LRRC37A2: variants seen among roughly 807,000 people sequenced by gnomAD.
The protein encoded by LRRC37A2 is leucine-rich repeat-containing protein 37A2.
In LRRC37A2, 9 loss-of-function variants were observed where a neutral mutation model predicts 68.8. The ratio of observed to expected loss-of-function variants is 0.13; its 90% CI spans 0.08 to 0.23. The LOEUF (loss-of-function observed/expected upper bound fraction) is 0.23, where lower values mean the gene tolerates loss of function less well. Ranked by LOEUF, LRRC37A2 falls within the 10% of genes least tolerant of loss-of-function variation. LRRC37A2 has a pLI of 1.00. For synonymous variants in LRRC37A2, 63 were observed against 367.6 expected (o/e 0.17, Z 9.48); for missense variants, 168 against 950.4 (o/e 0.18, Z 10.82).
chr17:46,793,401 G>A, the LRRC37A2 span, among the ~76,000 whole-genome samples: 3 of 151,888 alleles, frequency 2.0e-5, no homozygotes, highest in East Asian at 5.8e-4. Context: ...CTGCTGCTCC[G>A]GCCGCTGTTG....
chr17:46,949,262 G>C, the LRRC37A2 span: 1 of 152,236 alleles, frequency 6.6e-6, no homozygotes, highest in Non-Finnish European at 1.5e-5. Context: ...GCTGAGCCCT[G>C]GACTGGGGCT....
the LRRC37A2 span, among the ~76,000 whole-genome samples, chr17:46,926,716 C>T: frequency 2.0e-5 from 3 of 152,170 alleles, no homozygotes; most frequent in East Asian, 1.9e-4. Flanking sequence ...TTCATACTTG[C>T]TTTGTTGTTT....
chr17:46,993,917 G>GAT, the LRRC37A2 span, among the ~76,000 whole-genome samples: 2,867 of 152,282 alleles, frequency 0.019, 76 homozygotes, highest in African/African-American at 0.061. Context: ...CACACAGCTG[G>GAT]TCCATGGCAG....
chr17:46,737,165 T>C, the LRRC37A2 span, among the ~76,000 whole-genome samples: 1 of 152,200 alleles, frequency 6.6e-6, no homozygotes, highest in East Asian at 1.9e-4. Flanking sequence ...AGATGGCTCA[T>C]AGTCCAAGAA....
At chr17:46,955,977 T>C in the LRRC37A2 span, among the ~76,000 whole-genome samples, 1 of 152,176 alleles carries the variant, frequency 6.6e-6, no homozygotes, top group African/African-American at 2.4e-5. Context: ...ATGCTGTCTC[T>C]CCTCACATCA....
chr17:46,877,696 G>A, the LRRC37A2 span, among the ~76,000 whole-genome samples: 1 of 152,318 alleles, frequency 6.6e-6, no homozygotes, highest in East Asian at 1.9e-4. Flanking sequence ...TGTGGCTGGG[G>A]CCTGCCTGGT....
chr17:46,882,891 G>T, the LRRC37A2 span, among the ~76,000 whole-genome samples: 2 of 152,122 alleles, frequency 1.3e-5, no homozygotes, highest in Admixed American at 6.5e-5. Flanking sequence ...AGGTGGCTCT[G>T]TGCAGGCTCC....
the LRRC37A2 span, among the ~76,000 whole-genome samples, chr17:46,737,309 A>T: frequency 6.6e-6 from 1 of 152,204 alleles, no homozygotes; most frequent in East Asian, 1.9e-4. Context: ...GAGTAAGGTT[A>T]CCAGATTTAG....
the LRRC37A2 span, chr17:46,940,687 G>A: frequency 1.2e-5 from 20 of 1,610,836 alleles, no homozygotes; most frequent in African/African-American, 8.0e-5. Flanking sequence ...ACATCTTTTC[G>A]TGGTGTGCAC....
the LRRC37A2 span, among the ~76,000 whole-genome samples, chr17:46,806,119 G>A: frequency 6.6e-6 from 1 of 152,056 alleles, no homozygotes; most frequent in Non-Finnish European, 1.5e-5. Flanking sequence ...TGCCACTGGA[G>A]CCGCCCACTT....
chr17:46,884,200 T>C, the LRRC37A2 span, among the ~76,000 whole-genome samples: 1 of 152,070 alleles, frequency 6.6e-6, no homozygotes, highest in Non-Finnish European at 1.5e-5. Flanking sequence ...GGCTCTAATC[T>C]CAGCTGTCTT....
At chr17:46,498,685 AAAG>A in the LRRC37A2 span, among the ~76,000 whole-genome samples, 2 of 143,416 alleles carry the variant, frequency 1.4e-5, no homozygotes, top group South Asian at 4.3e-4. Context: ...AATAAAAGTA[AAAG>A]AAGGTCTTTA....
the LRRC37A2 span, among the ~76,000 whole-genome samples, chr17:46,472,945 GT>G: frequency 1.5e-5 from 1 of 67,464 alleles, no homozygotes; most frequent in Non-Finnish European, 3.8e-5. Context: ...TATATATATT[GT>G]ATAGGGATGG....
chr17:46,938,052 G>A, the LRRC37A2 span: 1 of 179,856 alleles, frequency 5.6e-6, no homozygotes, highest in Non-Finnish European at 1.2e-5. Flanking sequence ...TTGTAGAGAA[G>A]GGGTCTTCAC....
the LRRC37A2 span, among the ~76,000 whole-genome samples, chr17:47,005,282 TC>T: frequency 6.6e-6 from 1 of 152,214 alleles, no homozygotes; most frequent in Non-Finnish European, 1.5e-5. Context: ...TGGTTTTTAG[TC>T]CCCTTTCCCC....
chr17:46,878,052 C>A, the LRRC37A2 span, among the ~76,000 whole-genome samples: 1 of 152,224 alleles, frequency 6.6e-6, no homozygotes, highest in African/African-American at 2.4e-5. Context: ...GGATGCACAG[C>A]CCCTGGACCA....
At chr17:46,946,282 C>CAAA in the LRRC37A2 span, among the ~76,000 whole-genome samples, 14 of 126,726 alleles carry the variant, frequency 1.1e-4, no homozygotes, top group South Asian at 1.7e-3. Context: ...CTAAAAATAC[C>CAAA]AAAAAAAAAA....
chr17:46,454,316 CT>C, the LRRC37A2 span, among the ~76,000 whole-genome samples: 1 of 90,568 alleles, frequency 1.1e-5, no homozygotes, highest in Non-Finnish European at 2.3e-5. Context: ...CAACAGTTTA[CT>C]TATTCAGCCT....
the LRRC37A2 span, among the ~76,000 whole-genome samples, chr17:46,671,864 C>T: frequency 7.0e-6 from 1 of 143,102 alleles, no homozygotes; most frequent in African/African-American, 2.5e-5. Flanking sequence ...TTGTTAAATT[C>T]GGAAAGTCTC....
Sources: gnomAD v4.1 joint callset for allele counts (sites outside exome capture counted in the v4.1 genomes callset) on GRCh38, gnomAD v4.1.1 for gene constraint, MANE v1.5 for transcripts, NCBI Gene and HGNC (gene_info 2026-07-23, HGNC 2026-07-21) for gene names.